Variants in NUBPL observed in about 807,000 individuals in gnomAD.
NUBPL encodes iron-sulfur cluster transfer protein NUBPL.
A neutral mutation model predicts 45.7 loss-of-function variants in NUBPL; 31 were observed. The observed-to-expected ratio is 0.68, with a 90% CI of 0.51 to 0.92. NUBPL has a LOEUF of 0.92. Among genes scored for constraint, NUBPL ranks in the 40% least tolerant of loss-of-function variants. The probability of loss-of-function intolerance (pLI) is 0.00; values close to 1 mark genes in which losing one functional copy is unlikely to be tolerated. For synonymous variants in NUBPL, 144 were observed against 140.9 expected (o/e 1.02, Z -0.15); for missense variants, 401 against 398.7 (o/e 1.01, Z -0.05).
At chr14:31,838,427 A>G (rs1361663139) in intron 8 of NUBPL, among the ~76,000 whole-genome samples, 1 of 152,212 alleles carries the variant, frequency 6.6e-6, no homozygotes, top group Non-Finnish European at 1.5e-5. Context: ...TTAGGACTCA[A>G]TGAAAATAAA....
At chr14:31,803,603 G>T (rs528380861) in intron 7 of NUBPL, among the ~76,000 whole-genome samples, 1 of 152,230 alleles carries the variant, frequency 6.6e-6, no homozygotes, top group African/African-American at 2.4e-5. Context: ...ATCAATTTTG[G>T]ACTTTTTTCA....
At chr14:31,753,452 C>T (rs914194567) in intron 6 of NUBPL, among the ~76,000 whole-genome samples, 1 of 152,118 alleles carries the variant, frequency 6.6e-6, no homozygotes, top group Non-Finnish European at 1.5e-5. Flanking sequence ...GAGTATAGTA[C>T]ACAGTGTGGT....
chr14:31,684,290 ATTATT>A (rs2036903869), intron 6 of NUBPL, among the ~76,000 whole-genome samples: 1 of 152,122 alleles, frequency 6.6e-6, no homozygotes, highest in Non-Finnish European at 1.5e-5. Context: ...GGGTTTTGTA[ATTATT>A]TTATTTTGTC....
Position 31,763,999 on chromosome 14 carries a change from T to A in NUBPL, c.514-23781T>A, listed in dbSNP as rs138134593. 6.5e-3 allele frequency among the ~76,000 whole-genome samples: 994 copies of A among 152,288 alleles called. 12 individuals carry two copies. Among genetic ancestry groups the A allele is most frequent in the African/African-American group, 0.022 (931 of 41,558 alleles). On this transcript the variant is annotated intron_variant, in intron 6 of 10. Coordinates refer to ENST00000281081, the MANE Select transcript of NUBPL (RefSeq NM_025152.3). ...ACAAAATATGCTCCAAATAGCACAT[T>A]TTTGTCACGATAATCTTACTTGAGA... is the stretch of plus-strand genomic sequence containing the variant.
At chr14:31,822,165 C>T (rs1263699164) in intron 7 of NUBPL, among the ~76,000 whole-genome samples, 1 of 152,026 alleles carries the variant, frequency 6.6e-6, no homozygotes, top group African/African-American at 2.4e-5. Flanking sequence ...CTTAATTGTA[C>T]ATTTTAAAAT....
At chr14:31,733,626 G>A (rs1309881166) in intron 6 of NUBPL, among the ~76,000 whole-genome samples, 1 of 152,056 alleles carries the variant, frequency 6.6e-6, no homozygotes, top group Non-Finnish European at 1.5e-5. Context: ...ATTGAGTTTA[G>A]TATATTGACC....
intron 7 of NUBPL, among the ~76,000 whole-genome samples, chr14:31,817,004 A>G (rs1369927982): frequency 6.6e-6 from 1 of 152,074 alleles, no homozygotes; most frequent in Non-Finnish European, 1.5e-5. Flanking sequence ...GATGGAGCTG[A>G]AAAGCAGCAC....
At chr14:31,622,483 A>G (rs1300903046) in intron 4 of NUBPL, among the ~76,000 whole-genome samples, 3 of 151,816 alleles carry the variant, frequency 2.0e-5, no homozygotes, top group Non-Finnish European at 4.4e-5. Context: ...AGGGATCTTC[A>G]TGGCAGCCCC....
Position 31,859,508 on chromosome 14 carries a change from A to G in NUBPL, c.*328A>G, listed in dbSNP as rs2040678894. On this transcript the variant is annotated 3_prime_UTR_variant, in exon 11 of 11. Transcript: ENST00000281081. ...GAGAGAACTGTACACTTTTTGCAGGACCACAGAATTAGTAATTTAAATGAT... is the reference window on the plus strand; with the variant it reads ...GAGAGAACTGTACACTTTTTGCAGGGCCACAGAATTAGTAATTTAAATGAT... 2.7e-6 allele frequency: 1 copy of G among 366,970 alleles called. No individual in the cohort carries two copies. The highest frequency in any genetic ancestry group is 2.4e-5 in the South Asian group (1 of 41,912). 22.7% of individuals were successfully genotyped at this position (366,970 alleles called of 1,614,324 possible). A position where few individuals can be genotyped will look rare whatever the true frequency, so the allele number is the denominator to read the frequency against.
Position 31,846,535 on chromosome 14 carries a change from T to G in NUBPL, c.758T>G (p.Ile253Ser). The G allele has an allele frequency of 6.2e-7, 1 of 1,613,300 alleles. No homozygotes were observed. Among genetic ancestry groups the G allele is most frequent in the Non-Finnish European group, 8.5e-7 (1 of 1,179,572 alleles). The part of the protein sequence containing the change: ...QCPKCKHKTH[I>S]FGADGARKLA... Reference sequence around the variant, plus strand: ...CCAAAATGTAAACACAAAACTCATATTTTTGGTGCTGATGGTGCAAGGAAA... The same window carrying G: ...CCAAAATGTAAACACAAAACTCATAGTTTTGGTGCTGATGGTGCAAGGAAA... Residue 253 changes from isoleucine (I) to serine (S), a missense_variant, in exon 9 of 11, where the codon ATT becomes AGT. Transcript: ENST00000281081.
chr14:31,630,920 T>A (rs565329582), intron 4 of NUBPL, among the ~76,000 whole-genome samples: 47 of 152,292 alleles, frequency 3.1e-4, no homozygotes, highest in Admixed American at 7.2e-4. Context: ...ACAGGACCCC[T>A]CTGCAGTTGT....
rs187403594 is a variant in NUBPL at position 31,751,419 on chromosome 14, G to T, written c.514-36361G>T. On this transcript the variant is annotated intron_variant, in intron 6 of 10. Transcript: ENST00000281081. ...TTGGGTAAATGTTTCTGTTTGAAAT[G>T]GGAGAAATTGACCAAAACAATGGGG... 3.6e-4 allele frequency among the ~76,000 whole-genome samples: 55 copies of T among 152,374 alleles called. 1 individual carries two copies. In the East Asian group the frequency reaches 9.6e-3, roughly 27 times the overall value.
At chr14:31,689,588 A>G (rs544185510) in intron 6 of NUBPL, among the ~76,000 whole-genome samples, 121 of 152,070 alleles carry the variant, frequency 8.0e-4, no homozygotes, top group Admixed American at 1.6e-3. Context: ...ATAGTTTGTG[A>G]ATATTTTCTC....
intron 7 of NUBPL, among the ~76,000 whole-genome samples, chr14:31,814,033 C>T (rs1461935914): frequency 1.3e-5 from 2 of 152,142 alleles, no homozygotes; most frequent in African/African-American, 4.8e-5. Flanking sequence ...GATTTATAAT[C>T]CTTTGGGTAT....
At chr14:31,562,696 C>T (rs1343479654) in intron 2 of NUBPL, 2 of 150,642 alleles carry the variant, frequency 1.3e-5, no homozygotes, top group African/African-American at 4.9e-5. Context: ...CTCCGCCTCC[C>T]GGGGTTCACG....
At chr14:31,818,055 A>T (rs1047982422) in intron 7 of NUBPL, among the ~76,000 whole-genome samples, 35 of 152,206 alleles carry the variant, frequency 2.3e-4, no homozygotes, top group Admixed American at 7.2e-4. Context: ...GCCAGCAAAG[A>T]TTTAAAAAGA....
intron 4 of NUBPL, among the ~76,000 whole-genome samples, chr14:31,604,419 A>G (rs180936282): frequency 6.6e-5 from 10 of 152,322 alleles, no homozygotes; most frequent in Admixed American, 4.6e-4. Context: ...ACAATACAAT[A>G]CAAAATTACC....
At chr14:31,748,345 G>GT (rs1471755391) in intron 6 of NUBPL, among the ~76,000 whole-genome samples, 8 of 152,122 alleles carry the variant, frequency 5.3e-5, no homozygotes, top group African/African-American at 1.9e-4. Flanking sequence ...TAAGTCTGAT[G>GT]TTTCTCTGTT....
intron 6 of NUBPL, among the ~76,000 whole-genome samples, chr14:31,755,674 C>T (rs554922201): frequency 1.3e-5 from 2 of 151,998 alleles, no homozygotes; most frequent in Non-Finnish European, 2.9e-5. Context: ...TGGTAGTTTC[C>T]TTTGCTGTGC....
Sources: gnomAD v4.1 joint callset for allele counts (sites outside exome capture counted in the v4.1 genomes callset) on GRCh38, gnomAD v4.1.1 for gene constraint, MANE v1.5 for transcripts, NCBI Gene and HGNC (gene_info 2026-07-23, HGNC 2026-07-21) for gene names.